CDKAL1: variants seen among roughly 807,000 people sequenced by gnomAD.
CDKAL1 encodes the protein threonylcarbamoyladenosine tRNA methylthiotransferase.
CDKAL1 carries 32 observed loss-of-function variants against 68.2 expected under a neutral mutation model. The ratio of observed to expected loss-of-function variants is 0.47; its 90% CI spans 0.35 to 0.63. The LOEUF is 0.63. CDKAL1 is among the 30% of genes least tolerant of loss of function. CDKAL1 has a pLI of 0.00. For synonymous variants in CDKAL1, 234 were observed against 244.3 expected, an observed-to-expected ratio of 0.96 and a Z score of 0.39; for missense variants, 606 against 696.7, an observed-to-expected ratio of 0.87 and a Z score of 1.47.
rs1581908479 is a variant in CDKAL1, at chr6:20,955,598, A to T, written c.909+13A>T. 1 of 1,612,914 alleles carries T rather than the reference A, an allele frequency of 6.2e-7. No homozygotes were observed. Among genetic ancestry groups the T allele is most frequent in the East Asian group, 2.2e-5 (1 of 44,872 alleles). On this transcript the variant is annotated intron_variant, in intron 10 of 15. Transcript: ENST00000274695. ...AGAGCATCTGGAGGTAAGGAAAAGC[A>T]CCCTATTTGCATGCTAACATAGACA...
intron 5 of CDKAL1, among the ~76,000 whole-genome samples, chr6:20,691,516 A>G (rs1434474768): frequency 1.3e-5 from 2 of 152,028 alleles, no homozygotes; most frequent in Non-Finnish European, 2.9e-5. Flanking sequence ...AAACTTCCTT[A>G]TTAGAGGAGG....
chr6:20,769,133 G>A (rs1774825177), intron 7 of CDKAL1, among the ~76,000 whole-genome samples: 2 of 152,100 alleles, frequency 1.3e-5, no homozygotes, highest in African/African-American at 4.8e-5. Flanking sequence ...CATTACCTAT[G>A]CCTTTTTCCC....
At chr6:20,665,458 G>T (rs1230594417) in intron 5 of CDKAL1, among the ~76,000 whole-genome samples, 3 of 152,140 alleles carry the variant, frequency 2.0e-5, no homozygotes, top group African/African-American at 7.2e-5. Flanking sequence ...AATGAATGCA[G>T]TCTGATATGT....
intron 15 of CDKAL1, among the ~76,000 whole-genome samples, chr6:21,224,358 C>G (rs747809838): frequency 1.2e-4 from 18 of 152,280 alleles, no homozygotes; most frequent in Middle Eastern, 3.4e-3. Context: ...GAAACCCCAT[C>G]TCTACTAAAA....
At chr6:20,706,795 C>T (rs1292673691) in intron 5 of CDKAL1, among the ~76,000 whole-genome samples, 2 of 152,086 alleles carry the variant, frequency 1.3e-5, no homozygotes, top group Non-Finnish European at 2.9e-5. Flanking sequence ...ACTTGGAAGA[C>T]AGTTTAACTT....
chr6:20,860,074 A>C (rs973150482), intron 9 of CDKAL1, among the ~76,000 whole-genome samples: 3 of 152,024 alleles, frequency 2.0e-5, no homozygotes, highest in Admixed American at 1.3e-4. Context: ...CATTTATCAT[A>C]ATTCTTTTTT....
chr6:20,729,616 T>C (rs1013005613), intron 5 of CDKAL1, among the ~76,000 whole-genome samples: 9 of 152,226 alleles, frequency 5.9e-5, no homozygotes, highest in African/African-American at 2.2e-4. Context: ...CATATTAACA[T>C]TTAACCCTCA....
chr6:21,166,970 G>A (rs895960172), intron 13 of CDKAL1, among the ~76,000 whole-genome samples: 24 of 152,178 alleles, frequency 1.6e-4, no homozygotes, highest in African/African-American at 4.8e-4. Flanking sequence ...CCAGCTGGGT[G>A]ACCTTGAGTA....
At chr6:21,141,991 A>G (rs2151035806) in intron 13 of CDKAL1, among the ~76,000 whole-genome samples, 1 of 152,220 alleles carries the variant, frequency 6.6e-6, no homozygotes, top group East Asian at 1.9e-4. Context: ...AATCTTTATC[A>G]TATCTTATAA....
intron 10 of CDKAL1, among the ~76,000 whole-genome samples, chr6:20,986,827 AC>A (rs1194262022): frequency 1.3e-5 from 2 of 152,198 alleles, no homozygotes; most frequent in Non-Finnish European, 2.9e-5. Flanking sequence ...ATTTTAAGAC[AC>A]TAGGTATATT....
At chr6:20,625,763 G>T (rs535819049) in intron 4 of CDKAL1, among the ~76,000 whole-genome samples, 35 of 152,144 alleles carry the variant, frequency 2.3e-4, no homozygotes, top group Admixed American at 9.2e-4. Flanking sequence ...AGATTTTGCT[G>T]TAGTAAAGAT....
chr6:20,915,931 T>C (rs138506684), intron 9 of CDKAL1, among the ~76,000 whole-genome samples: 1 of 151,922 alleles, frequency 6.6e-6, no homozygotes. Context: ...CCAATTATGT[T>C]GAGTTAAAAA....
intron 5 of CDKAL1, among the ~76,000 whole-genome samples, chr6:20,721,186 C>G (rs1027140522): frequency 3.4e-5 from 5 of 149,124 alleles, no homozygotes; most frequent in African/African-American, 4.9e-5. Flanking sequence ...TGTTAAATTC[C>G]CACCTATAAG....
At chr6:20,741,972 G>A (rs1460623077) in intron 6 of CDKAL1, among the ~76,000 whole-genome samples, 1 of 152,084 alleles carries the variant, frequency 6.6e-6, no homozygotes, top group Non-Finnish European at 1.5e-5. Flanking sequence ...GCCAGCATCT[G>A]TTATTTTTTG....
At chr6:21,010,480 A>G (rs1392666617) in intron 11 of CDKAL1, among the ~76,000 whole-genome samples, 1 of 152,138 alleles carries the variant, frequency 6.6e-6, no homozygotes, top group Non-Finnish European at 1.5e-5. Flanking sequence ...CCATTTCATC[A>G]CTTGCTGCAG....
chr6:20,821,531 G>A (rs1018334984), intron 8 of CDKAL1, among the ~76,000 whole-genome samples: 1 of 152,118 alleles, frequency 6.6e-6, no homozygotes, highest in East Asian at 1.9e-4. Context: ...GGTATCATTT[G>A]CTTATATATT....
chr6:21,138,227 A>ATG (rs1168171240), intron 13 of CDKAL1, among the ~76,000 whole-genome samples: 40 of 48,686 alleles, frequency 8.2e-4, no homozygotes, highest in Middle Eastern at 9.1e-3. Flanking sequence ...GTGTGTGTGT[A>ATG]TGTGTGTGTC....
intron 11 of CDKAL1, among the ~76,000 whole-genome samples, chr6:21,002,500 T>C (rs1304640770): frequency 6.6e-6 from 1 of 152,134 alleles, no homozygotes; most frequent in Non-Finnish European, 1.5e-5. Flanking sequence ...AAATTAACGC[T>C]GTATTGTGTA....
chr6:21,040,237 A>G (rs1353779954), intron 11 of CDKAL1, among the ~76,000 whole-genome samples: 3 of 152,206 alleles, frequency 2.0e-5, no homozygotes, highest in African/African-American at 4.8e-5. Context: ...GACGAGTATT[A>G]TATCCCTAAA....
Sources: allele counts gnomAD v4.1 joint callset (sites outside exome capture counted in the v4.1 genomes callset), GRCh38; gene constraint gnomAD v4.1.1; transcripts MANE v1.5; gene names NCBI Gene and HGNC (gene_info 2026-07-23, HGNC 2026-07-21).